The following NF2 variants were observed in gnomAD, a reference collection of about 807,000 sequenced individuals.
NF2 encodes the protein merlin.
Under a neutral mutation model 83.7 loss-of-function variants are expected in NF2, and 8 were observed. The ratio of observed to expected loss-of-function variants is 0.10; its 90% CI spans 0.06 to 0.17. The LOEUF is 0.17. NF2 is among the 10% of genes least tolerant of loss of function. NF2 has a pLI of 1.00. For synonymous variants in NF2, 266 were observed against 269.6 expected, an observed-to-expected ratio of 0.99 and a Z score of 0.13; for missense variants, 533 against 744.4, an observed-to-expected ratio of 0.72 and a Z score of 3.31.
intron 1 of NF2, among the ~76,000 whole-genome samples, chr22:29,634,463 T>C (rs1301896514): frequency 2.0e-5 from 3 of 152,230 alleles, no homozygotes; most frequent in South Asian, 4.1e-4. Context: ...TAAACTCCCA[T>C]GTCAGGAAAT....
In NF2 at chr22:29,695,345, G is replaced by A. The variant is rs918249947; in HGVS notation, c.*543G>A. ...AGGGAGCCCGCCCAGAGCTCGTGAC[G>A]AGCAAGTGCTGGGTCCCCGCCAGGC... On this transcript the variant is annotated 3_prime_UTR_variant, in exon 16 of 16. Coordinates refer to ENST00000338641, the MANE Select transcript of NF2 (RefSeq NM_000268.4). This position sits in a 1 kb window ranked among gnomAD's most constrained non-coding sequence, Gnocchi z 5.4. 10 of 265,432 alleles carry A rather than the reference G, an allele frequency of 3.8e-5. No individual in the cohort carries two copies. The highest frequency in any genetic ancestry group is 1.3e-4 in the African/African-American group (6 of 46,868). 16.4% of individuals were successfully genotyped at this position (265,432 alleles called of 1,614,324 possible).
At chr22:29,619,705 G>T (rs1241597510) in intron 1 of NF2, among the ~76,000 whole-genome samples, 1 of 152,120 alleles carries the variant, frequency 6.6e-6, no homozygotes, top group East Asian at 1.9e-4. Flanking sequence ...TCTCCCATGG[G>T]TTTTAAGTAG....
At chr22:29,637,109 C>G (rs1255339991) in intron 2 of NF2, among the ~76,000 whole-genome samples, 1 of 152,254 alleles carries the variant, frequency 6.6e-6, no homozygotes, top group Non-Finnish European at 1.5e-5. Context: ...CTGGCCCTGG[C>G]TTCTTTACCC....
At chr22:29,667,351 C>T (rs2066653879) in intron 9 of NF2, among the ~76,000 whole-genome samples, 1 of 152,064 alleles carries the variant, frequency 6.6e-6, no homozygotes, top group Non-Finnish European at 1.5e-5. Context: ...GATCCTCCCA[C>T]CTCACCCTCC....
intron 15 of NF2, among the ~76,000 whole-genome samples, chr22:29,686,995 T>C (rs2067285521): frequency 6.6e-6 from 1 of 152,300 alleles, no homozygotes; most frequent in African/African-American, 2.4e-5. Flanking sequence ...GTGCCAATGA[T>C]GGGAGTGGTG....
chr22:29,644,685 G>A (rs1339509371), intron 4 of NF2, among the ~76,000 whole-genome samples: 4 of 152,188 alleles, frequency 2.6e-5, no homozygotes, highest in South Asian at 2.1e-4. Flanking sequence ...TCGGGAGGCC[G>A]AGGCTGGCGG....
intron 1 of NF2, among the ~76,000 whole-genome samples, chr22:29,616,482 C>T (rs903276298): frequency 2.0e-5 from 3 of 152,206 alleles, no homozygotes; most frequent in Non-Finnish European, 4.4e-5. Flanking sequence ...CTGTGGCTCA[C>T]GCATGTAATC....
rs528341696 is a variant in NF2, at chr22:29,652,742, G to A, written c.448-1915G>A. Among the ~76,000 whole-genome samples, 5 of 152,280 alleles carry A rather than the reference G, an allele frequency of 3.3e-5. No homozygotes were observed. In the South Asian group the frequency reaches 1.0e-3, roughly 32 times the overall value. ...ATTTCCAAGGCCACATAGCTACTAT[G>A]TGAAAGATGTAGGATAAAACCTTAG... On this transcript the variant is annotated intron_variant, in intron 4 of 15. Coordinates refer to ENST00000338641, the MANE Select transcript of NF2 (RefSeq NM_000268.4).
In NF2 at chr22:29,603,782, G is replaced by C; in HGVS notation, c.-217G>C. On this transcript the variant is annotated 5_prime_UTR_variant, in exon 1 of 16. Transcript: ENST00000338641. ...AGGTCCCGGCTCCTGTGCCCTCCCT[G>C]CAGCCGTCAGGGCCCGTCCCCCAAC... The C allele has an allele frequency of 5.4e-6, 3 of 555,324 alleles. No individual in the cohort carries two copies. The highest frequency in any genetic ancestry group is 9.5e-6 in the Non-Finnish European group (3 of 316,806). 34.4% of individuals were successfully genotyped at this position (555,324 alleles called of 1,614,324 possible). A position where few individuals can be genotyped will look rare whatever the true frequency, so the allele number is the denominator to read the frequency against.
Position 29,603,957 on chromosome 22 carries a change from C to T in NF2, c.-42C>T, listed in dbSNP as rs1167215988. On this transcript the variant is annotated 5_prime_UTR_variant, in exon 1 of 16. Coordinates refer to ENST00000338641, the MANE Select transcript of NF2 (RefSeq NM_000268.4). ...CAGGGGGGCTAAAGGGCTCAGAGTG[C>T]AGGCCGTGGGGCGCGAGGGTCCCGG... is the stretch of plus-strand genomic sequence containing the variant. 6 of 1,460,600 alleles carry T rather than the reference C, an allele frequency of 4.1e-6. No homozygotes were observed. The highest frequency in any genetic ancestry group is 5.6e-6 in the Non-Finnish European group (6 of 1,067,082). 90.5% of individuals were successfully genotyped at this position (1,460,600 alleles called of 1,614,324 possible). A position where few individuals can be genotyped will look rare whatever the true frequency, so the allele number is the denominator to read the frequency against.
Position 29,673,417 on chromosome 22 carries a change from G to T in NF2, c.1271G>T (p.Arg424Leu), listed in dbSNP as rs751182657. The change falls in exon 12 of 16, where the codon CGC (arginine) becomes CTC (leucine). Residue 424 changes from arginine (R) to leucine (L), a missense_variant. This residue lies in a region of NF2 where 199 missense variants were observed against 240.7 expected (regional missense o/e 0.83). Coordinates refer to ENST00000338641, the MANE Select transcript of NF2 (RefSeq NM_000268.4). ...ATAIRTEEEK[R>L]LMEQKVLEAE... ...GCGATTCGCACGGAGGAGGAGAAGC[G>T]CCTGATGGAGCAGAAGGTGCTGGAA... 1.7e-5 allele frequency: 27 copies of T among 1,612,604 alleles called. No individual in the cohort carries two copies. The highest frequency in any genetic ancestry group is 8.4e-5 in the Admixed American group (5 of 59,856).
At position 29,671,810 on chromosome 22, in the gene NF2, T is replaced by A. The variant is rs201183251; in HGVS notation, c.1000-16T>A. 14 of 1,613,856 alleles carry A rather than the reference T, an allele frequency of 8.7e-6. No individual in the cohort carries two copies. In the East Asian group the frequency reaches 3.1e-4, roughly 36 times the overall value. On this transcript the variant is annotated splice_polypyrimidine_tract_variant and intron_variant, in intron 10 of 15. Coordinates refer to ENST00000338641, the MANE Select transcript of NF2 (RefSeq NM_000268.4). ...AGCCCTGTGATTCAATGACTGTTTT[T>A]CTTCACCCCTCGCAGATGGAGCGGC...
Position 29,696,416 on chromosome 22 carries a change from G to C in NF2, c.*1614G>C, listed in dbSNP as rs898771639. On this transcript the variant is annotated 3_prime_UTR_variant, in exon 16 of 16. Coordinates refer to ENST00000338641, the MANE Select transcript of NF2 (RefSeq NM_000268.4). ...CCCTTGAGATCCTTCCAGTTTGGCTGTTATGCAAAGCAGGTGATTTGTCTT... is the reference window on the plus strand; with the variant it reads ...CCCTTGAGATCCTTCCAGTTTGGCTCTTATGCAAAGCAGGTGATTTGTCTT... The C allele has an allele frequency of 4.5e-6, 1 of 222,776 alleles. No homozygotes were observed. The highest frequency in any genetic ancestry group is 9.0e-6 in the Non-Finnish European group (1 of 111,472). The allele number at this position is 222,776 out of a possible 1,614,324, so 13.8% of individuals were successfully genotyped here.
At chr22:29,657,962 T>C (rs917767595) in intron 6 of NF2, among the ~76,000 whole-genome samples, 5 of 152,214 alleles carry the variant, frequency 3.3e-5, no homozygotes, top group African/African-American at 9.7e-5. Context: ...GTGATGAGTC[T>C]GTTCTCTGAC....
chr22:29,628,568 C>G (rs1433174873), intron 1 of NF2, among the ~76,000 whole-genome samples: 1 of 149,482 alleles, frequency 6.7e-6, no homozygotes, highest in African/African-American at 2.5e-5. Flanking sequence ...CAGAAACTGA[C>G]AGGGCAAGAG....
intron 15 of NF2, among the ~76,000 whole-genome samples, chr22:29,689,897 G>A (rs773517271): frequency 1.3e-4 from 20 of 152,322 alleles, no homozygotes; most frequent in Non-Finnish European, 1.3e-4. Context: ...TGCAGGCTCC[G>A]TGCCGGAATA....
intron 4 of NF2, among the ~76,000 whole-genome samples, chr22:29,650,697 G>A (rs1030985666): frequency 4.0e-5 from 6 of 148,954 alleles, no homozygotes; most frequent in Non-Finnish European, 8.9e-5. Context: ...TCCTTTCCCA[G>A]GTTCAAGTGA....
At chr22:29,687,470 G>C (rs2067298151) in intron 15 of NF2, among the ~76,000 whole-genome samples, 1 of 152,184 alleles carries the variant, frequency 6.6e-6, no homozygotes, top group Non-Finnish European at 1.5e-5. Context: ...ACCCGGGGAA[G>C]TGATAAATCA....
At chr22:29,603,559 G>A (rs932202162), upstream of NF2, 1 of 386,340 alleles carries the variant, frequency 2.6e-6, no homozygotes. Context: ...GGGAGGGTGC[G>A]CTTCCCGCGG....
Sources: gnomAD v4.1 joint callset for allele counts (sites outside exome capture counted in the v4.1 genomes callset) on GRCh38, gnomAD v4.1.1 for gene constraint, gnomAD v4.1.1 regional missense constraint, Gnocchi (gnomAD v3.1) non-coding constraint, MANE v1.5 for transcripts, NCBI Gene and HGNC (gene_info 2026-07-23, HGNC 2026-07-21) for gene names.